The following GCSAML variants were observed in gnomAD, a reference collection of about 807,000 sequenced individuals.
GCSAML encodes germinal center-associated signaling and motility-like protein.
GCSAML carries 9 observed loss-of-function variants against 13.0 expected under a neutral mutation model. The ratio of observed to expected loss-of-function variants is 0.69; its 90% CI spans 0.42 to 1.21. GCSAML has a LOEUF of 1.21. Among genes scored for constraint, GCSAML ranks in the 50% most tolerant of loss-of-function variants. The probability of loss-of-function intolerance (pLI) is 0.00; values close to 1 mark genes in which losing one functional copy is unlikely to be tolerated. For missense variants in GCSAML, 143 were observed against 153.4 expected, an observed-to-expected ratio of 0.93 and a Z score of 0.36; for synonymous variants, 37 against 52.9, an observed-to-expected ratio of 0.70 and a Z score of 1.31.
At chr1:247,544,450 T>C (rs1667504206), upstream of GCSAML, among the ~76,000 whole-genome samples, 2 of 152,136 alleles carry the variant, frequency 1.3e-5, no homozygotes, top group Admixed American at 1.3e-4. Context: ...GCAAGTGGTG[T>C]CATAAAGAGA....
intron 2 of GCSAML, chr1:247,529,443 A>G (rs1431338350): frequency 6.6e-5 from 10 of 152,220 alleles, no homozygotes; most frequent in African/African-American, 2.4e-4. Flanking sequence ...TAGTTATTGA[A>G]GCTGAGAAAC....
At chr1:247,546,561 CT>C (rs1429493587), upstream of GCSAML, among the ~76,000 whole-genome samples, 1 of 151,920 alleles carries the variant, frequency 6.6e-6, no homozygotes, top group Non-Finnish European at 1.5e-5. Flanking sequence ...CAGGGTTTCA[CT>C]GTGTTAGCCA....
chr1:247,509,963 CT>C (rs752029603), intron 1 of GCSAML, among the ~76,000 whole-genome samples: 1 of 152,060 alleles, frequency 6.6e-6, no homozygotes, highest in Non-Finnish European at 1.5e-5. Context: ...CTGAAATTTT[CT>C]TTTTTTGTTG....
intron 1 of GCSAML, among the ~76,000 whole-genome samples, chr1:247,507,946 G>A (rs1331204017): frequency 6.6e-6 from 1 of 152,096 alleles, no homozygotes. Flanking sequence ...CCAAGTCTTT[G>A]CTATTGTGAA....
chr1:247,532,524 G>A (rs1667028204), intron 2 of GCSAML: 3 of 1,608,790 alleles, frequency 1.9e-6, no homozygotes, highest in African/African-American at 1.3e-5. Context: ...TATGCTGGGG[G>A]TGGGGCAAAA....
chr1:247,533,712 T>C (rs1041380363), intron 2 of GCSAML: 3 of 152,232 alleles, frequency 2.0e-5, no homozygotes, highest in Non-Finnish European at 4.4e-5. Flanking sequence ...AACCTAAGCA[T>C]AAAAATGGGA....
chr1:247,553,956 A>G (rs1039122299), intron 1 of GCSAML, among the ~76,000 whole-genome samples: 1 of 152,214 alleles, frequency 6.6e-6, no homozygotes, highest in African/African-American at 2.4e-5. Context: ...CAATTTTACT[A>G]TAGTTTTAGA....
intron 3 of GCSAML, among the ~76,000 whole-genome samples, chr1:247,564,299 G>A (rs549594853): frequency 6.6e-6 from 1 of 151,432 alleles, no homozygotes; most frequent in East Asian, 2.0e-4. Flanking sequence ...TGTAGTCCCA[G>A]CTACTTGGGA....
At chr1:247,523,663 A>C (rs1404498836) in intron 1 of GCSAML, among the ~76,000 whole-genome samples, 2 of 152,344 alleles carry the variant, frequency 1.3e-5, no homozygotes, top group East Asian at 3.9e-4. Context: ...GTTTTGGGTT[A>C]GGAGGAAACT....
At chr1:247,535,454 G>A (rs1353230331) in intron 2 of GCSAML, among the ~76,000 whole-genome samples, 1 of 152,244 alleles carries the variant, frequency 6.6e-6, no homozygotes, top group Non-Finnish European at 1.5e-5. Context: ...GACAGTCAAA[G>A]TGGGTGTACT....
chr1:247,527,391 C>T lies in GCSAML; in HGVS notation c.-148+337C>T, dbSNP rs1666723385. On this transcript the variant is annotated intron_variant, in intron 2 of 5. Coordinates refer to the GCSAML transcript ENST00000366489. The surrounding 1 kb of genome is among the most constrained non-coding windows in gnomAD (Gnocchi z 4.6). ...GACAGATATTTGGGGTAACGGGTCCCAGAGGGTCCTACTGCCACTTCCTCA... is the reference window on the plus strand; with the variant it reads ...GACAGATATTTGGGGTAACGGGTCCTAGAGGGTCCTACTGCCACTTCCTCA... 6.0e-6 allele frequency: 1 copy of T among 166,852 alleles called. No homozygotes were observed. The allele number at this position is 166,852 out of a possible 1,614,324, so 10.3% of individuals were successfully genotyped here. A position where few individuals can be genotyped will look rare whatever the true frequency, so the allele number is the denominator to read the frequency against.
upstream of GCSAML, among the ~76,000 whole-genome samples, chr1:247,546,397 C>T (rs1336178156): frequency 6.6e-6 from 1 of 152,036 alleles, no homozygotes; most frequent in Non-Finnish European, 1.5e-5. Flanking sequence ...CTCGCTCTGT[C>T]ACCCAGGCTG....
rs565176458 is a variant in GCSAML at position 247,561,377 on chromosome 1, A to G, written c.90-2213A>G. ...TGTGATATCCATCTACTCAAACACC[A>G]ATCTTTTATTTGTCTTGGGAACATT... On this transcript the variant is annotated intron_variant, in intron 2 of 4. Transcript: ENST00000366488. 5.9e-5 allele frequency among the ~76,000 whole-genome samples: 9 copies of G among 152,302 alleles called. No individual in the cohort carries two copies. In the East Asian group the frequency reaches 1.5e-3, roughly 26 times the overall value.
rs1328168717 is a variant in GCSAML at position 247,527,057 on chromosome 1, A to T, written c.-148+3A>T. 1 of 456,734 alleles carries T rather than the reference A, an allele frequency of 2.2e-6. No homozygotes were observed. Among genetic ancestry groups the T allele is most frequent in the Admixed American group, 2.3e-5 (1 of 42,580 alleles). The allele number at this position is 456,734 out of a possible 1,614,324, so 28.3% of individuals were successfully genotyped here. A position where few individuals can be genotyped will look rare whatever the true frequency, so the allele number is the denominator to read the frequency against. ...CAGTTCTTGGATGCCAATCTGAGGT[A>T]CAAATCACATTTCAAGTGTATTTCC... On this transcript the variant is annotated splice_donor_region_variant and intron_variant, in intron 2 of 5. Transcript: ENST00000366489. The surrounding 1 kb of genome is among the most constrained non-coding windows in gnomAD (Gnocchi z 4.6).
intron 2 of GCSAML, chr1:247,530,615 C>G (rs1400419922): frequency 2.0e-5 from 3 of 151,514 alleles, no homozygotes; most frequent in African/African-American, 7.3e-5. Flanking sequence ...GTATCAGGTA[C>G]TTCAGAACAT....
intron 1 of GCSAML, among the ~76,000 whole-genome samples, chr1:247,554,155 C>T (rs1261099405): frequency 6.6e-6 from 1 of 152,124 alleles, no homozygotes; most frequent in Non-Finnish European, 1.5e-5. Flanking sequence ...ATATTTGTCA[C>T]TTGAAGTTTG....
At chr1:247,536,352 A>T (rs184542180) in intron 2 of GCSAML, 10 of 152,346 alleles carry the variant, frequency 6.6e-5, no homozygotes, top group Admixed American at 6.5e-4. Context: ...CGGTGGTAGC[A>T]GACGTGTTAG....
Position 247,560,728 on chromosome 1 carries a change from T to G in GCSAML, c.90-2862T>G, listed in dbSNP as rs147409551. Among the ~76,000 whole-genome samples, 492 of 152,272 alleles carry G rather than the reference T, an allele frequency of 3.2e-3. 6 individuals are homozygous for G. The highest frequency in any genetic ancestry group is 0.011 in the African/African-American group (472 of 41,544). ...AAGTACATTAACAACTTAATATATT[T>G]ATTATCTCAGACAGTTACCATTATT... On this transcript the variant is annotated intron_variant, in intron 2 of 4. Transcript: ENST00000366488.
intron 1 of GCSAML, among the ~76,000 whole-genome samples, chr1:247,518,957 C>T (rs1384822584): frequency 6.6e-6 from 1 of 152,108 alleles, no homozygotes; most frequent in East Asian, 1.9e-4. Flanking sequence ...CCACTGCACT[C>T]CAGCCTGGGC....
Sources: gnomAD v4.1 joint callset for allele counts (sites outside exome capture counted in the v4.1 genomes callset) on GRCh38, gnomAD v4.1.1 for gene constraint, Gnocchi (gnomAD v3.1) non-coding constraint, MANE v1.5 for transcripts, NCBI Gene and HGNC (gene_info 2026-07-23, HGNC 2026-07-21) for gene names.